The following MYO10 variants were observed in gnomAD, a reference collection of about 807,000 sequenced individuals.
MYO10 encodes myosin X.
In MYO10, 133 loss-of-function variants were observed where a neutral mutation model predicts 257.3. The observed-to-expected ratio is 0.52, with a 90% CI of 0.45 to 0.60. The LOEUF (loss-of-function observed/expected upper bound fraction) is 0.60. MYO10 is among the 20% of genes least tolerant of loss of function. MYO10 has a pLI of 0.00. For synonymous variants in MYO10, 1,104 were observed against 1,028.6 expected, an observed-to-expected ratio of 1.07 and a Z score of -1.40; for missense variants, 2,399 against 2,635.7, an observed-to-expected ratio of 0.91 and a Z score of 1.97.
intron 27 of MYO10, among the ~76,000 whole-genome samples, chr5:16,690,647 G>A (rs1737457155): frequency 6.6e-6 from 1 of 151,790 alleles, no homozygotes; most frequent in Non-Finnish European, 1.5e-5. Flanking sequence ...GCCAACCTCG[G>A]CCCGGCGTGA....
chr5:16,830,679 G>GCACACACACACACACTCACACACA (rs1554000808), intron 2 of MYO10, among the ~76,000 whole-genome samples: 25 of 148,920 alleles, frequency 1.7e-4, no homozygotes, highest in African/African-American at 5.7e-4. Flanking sequence ...TTTTTAATAG[G>GCACACACACACACACTCACACACA]CACACACACA....
At chr5:16,788,262 G>A (rs1741651259) in intron 4 of MYO10, among the ~76,000 whole-genome samples, 1 of 152,124 alleles carries the variant, frequency 6.6e-6, no homozygotes, top group South Asian at 2.1e-4. Flanking sequence ...CTGGCCAGGG[G>A]GTGGGCAGCA....
chr5:16,872,774 G>T (rs1020954014), intron 2 of MYO10, among the ~76,000 whole-genome samples: 1 of 152,244 alleles, frequency 6.6e-6, no homozygotes, highest in Admixed American at 6.5e-5. Flanking sequence ...AGAAAATGAG[G>T]AAGCAAAAGC....
chr5:16,848,049 AC>A (rs1236241763), intron 2 of MYO10, among the ~76,000 whole-genome samples: 1 of 152,052 alleles, frequency 6.6e-6, no homozygotes, highest in Admixed American at 6.6e-5. Context: ...AGGAAGCATC[AC>A]CTAGCCAGCA....
At chr5:16,798,649 A>G (rs1275891858) in intron 3 of MYO10, among the ~76,000 whole-genome samples, 1 of 152,120 alleles carries the variant, frequency 6.6e-6, no homozygotes, top group Non-Finnish European at 1.5e-5. Flanking sequence ...CTTTGTTTAA[A>G]ATGCCATGTT....
At chr5:16,888,309 A>G (rs563187297) in intron 1 of MYO10, among the ~76,000 whole-genome samples, 1 of 149,994 alleles carries the variant, frequency 6.7e-6, no homozygotes, top group Non-Finnish European at 1.5e-5. Context: ...TGGGAGGATT[A>G]CTTGAGCCTC....
Position 16,671,506 on chromosome 5 carries a change from C to T in MYO10, c.5346G>A (p.Trp1782Ter), listed in dbSNP as rs1234662493. Residue 1782 changes from tryptophan (W) to a stop codon, truncating the protein, a stop_gained, in exon 38 of 41, where the codon TGG (tryptophan) becomes TGA (stop). Transcript: ENST00000513610. LOFTEE classifies it high-confidence loss of function. Reference sequence around the variant, plus strand: ...AGCAGTAAAGTTTGAAGTAGAATTTCCATGGCAGGTCCCCAACCTCGGATG... The same window carrying T: ...AGCAGTAAAGTTTGAAGTAGAATTTTCATGGCAGGTCCCCAACCTCGGATG... ...AATSEVGDLP[W>*]KFYFKLYCFL... The T allele has an allele frequency of 3.1e-6, 5 of 1,613,872 alleles. No homozygotes were observed. Among genetic ancestry groups the T allele is most frequent in the Non-Finnish European group, 3.4e-6 (4 of 1,179,890 alleles).
intron 2 of MYO10, among the ~76,000 whole-genome samples, chr5:16,858,667 G>GT (rs1561022631): frequency 6.6e-6 from 1 of 152,088 alleles, no homozygotes; most frequent in East Asian, 1.9e-4. Context: ...GCAGTTCTAC[G>GT]TAACACACAG....
chr5:16,674,045 C>A (rs1322370400), intron 35 of MYO10, among the ~76,000 whole-genome samples, 156 bp from the exon 36 acceptor site: 2 of 152,172 alleles, frequency 1.3e-5, no homozygotes, highest in African/African-American at 2.4e-5. Context: ...GGGCCCGCTT[C>A]ATTTTGTGCA....
chr5:16,741,115 G>C (rs749379780), intron 19 of MYO10, among the ~76,000 whole-genome samples: 62 of 152,206 alleles, frequency 4.1e-4, no homozygotes, highest in Admixed American at 8.5e-4. Context: ...TCCTCCATCG[G>C]GGGGAGGCAG....
rs377139503 is a variant in MYO10 at position 16,672,681 on chromosome 5, G to A, written c.5309+8C>T. 196 of 1,613,934 alleles carry A rather than the reference G, an allele frequency of 1.2e-4. 2 individuals carry two copies. Among genetic ancestry groups the A allele is most frequent in the South Asian group, 1.0e-3 (95 of 91,060 alleles). On this transcript the variant is annotated splice_region_variant and intron_variant, in intron 37 of 40. Coordinates refer to ENST00000513610, the MANE Select transcript of MYO10 (RefSeq NM_012334.3). ...GCTCTTCTGACACAGTAGGGAAAAG[G>A]AACCTACTTTTCAAACTTGGCTAAG...
chr5:16,904,668 G>A (rs558500081), intron 1 of MYO10, among the ~76,000 whole-genome samples: 48 of 152,174 alleles, frequency 3.2e-4, no homozygotes, highest in Non-Finnish European at 5.9e-4. Context: ...GGTGGCTCAC[G>A]CCTGTAATCC....
intron 1 of MYO10, chr5:16,916,238 G>A (rs987641525): frequency 1.4e-5 from 6 of 437,756 alleles, no homozygotes; most frequent in Middle Eastern, 3.4e-4. Context: ...TCATTTCACC[G>A]TCAACAGATA....
At chr5:16,694,704 G>A (rs1737658452) in intron 26 of MYO10, 90 bp from the exon 27 acceptor site, 11 of 1,524,790 alleles carry the variant, frequency 7.2e-6, no homozygotes, top group Admixed American at 3.4e-5. Flanking sequence ...TTAAGGTCTA[G>A]CCGAGCTTAG....
chr5:16,807,439 C>G (rs914363347), intron 3 of MYO10, among the ~76,000 whole-genome samples: 4 of 152,082 alleles, frequency 2.6e-5, no homozygotes, highest in African/African-American at 7.2e-5. Context: ...CACAGTAACC[C>G]CTCCTAACTG....
At position 16,886,417 on chromosome 5, in the gene MYO10, A is replaced by G. The variant is rs191660811; in HGVS notation, c.22-8710T>C. 2.0e-3 allele frequency among the ~76,000 whole-genome samples: 311 copies of G among 152,294 alleles called. 1 individual carries two copies. The highest frequency in any genetic ancestry group is 3.4e-3 in the Non-Finnish European group (232 of 68,016). The stretch of plus-strand genomic sequence containing the variant: ...CTGTCCCGTGCCCATCAGAGAGCTA[A>G]TCCCAGGGGAAAATGTGTTCCTGAC... On this transcript the variant is annotated intron_variant, in intron 1 of 40. Coordinates refer to ENST00000513610, the MANE Select transcript of MYO10 (RefSeq NM_012334.3).
At chr5:16,907,007 G>A (rs181802023) in intron 1 of MYO10, among the ~76,000 whole-genome samples, 193 of 152,204 alleles carry the variant, frequency 1.3e-3, no homozygotes, top group Non-Finnish European at 2.2e-3. Flanking sequence ...CCAGCTACTC[G>A]GGAAGCTGAG....
Position 16,694,386 on chromosome 5 carries a change from T to C in MYO10, c.3785A>G (p.Glu1262Gly), listed in dbSNP as rs2126530684. 1 of 1,614,062 alleles carries C rather than the reference T, an allele frequency of 6.2e-7. No individual in the cohort carries two copies. The highest frequency in any genetic ancestry group is 1.1e-5 in the South Asian group (1 of 91,084). Residue 1262 changes from glutamate to glycine, a missense_variant, in exon 27 of 41, where the codon GAA becomes GGA. Glu to Gly is a moderately conservative substitution (Grantham distance 98, BLOSUM62 -2). Coordinates refer to ENST00000513610, the MANE Select transcript of MYO10 (RefSeq NM_012334.3). ...DSEEKLKGTV[E>G]VRTAKEIIDN... ...AGCAACCTACTTTGCCGTTCGCACT[T>C]CTACGGTGCCCTTGAGCTTCTCCTC... is the stretch of plus-strand genomic sequence containing the variant.
intron 19 of MYO10, among the ~76,000 whole-genome samples, chr5:16,726,605 C>T (rs1378476549): frequency 6.6e-6 from 1 of 152,146 alleles, no homozygotes; most frequent in African/African-American, 2.4e-5. Context: ...ACTAGCTATG[C>T]GGCTCTTCCT....
Sources: gnomAD v4.1 joint callset for allele counts (sites outside exome capture counted in the v4.1 genomes callset) on GRCh38, gnomAD v4.1.1 for gene constraint, MANE v1.5 for transcripts, NCBI Gene and HGNC (gene_info 2026-07-23, HGNC 2026-07-21) for gene names.